The following TENM4 variants were observed in gnomAD, a reference collection of about 807,000 sequenced individuals.
TENM4 encodes teneurin-4.
TENM4 carries 82 observed loss-of-function variants against 243.3 expected under a neutral mutation model. That is an observed-to-expected ratio of 0.34 (90% CI 0.28 to 0.40). TENM4 has a LOEUF of 0.40. Among genes scored for constraint, TENM4 ranks in the 10% least tolerant of loss-of-function variants. TENM4 has a pLI of 1.00. For missense variants in TENM4, 3,138 were observed against 3,673.3 expected (o/e 0.85, Z 3.77); for synonymous variants, 1,412 against 1,456.3 (o/e 0.97, Z 0.69).
At chr11:78,793,060 TG>T (rs1857091292) in intron 15 of TENM4, among the ~76,000 whole-genome samples, 1 of 152,204 alleles carries the variant, frequency 6.6e-6, no homozygotes, top group South Asian at 2.1e-4. Context: ...TCTCATTAGA[TG>T]TTAATCCCCG....
intron 1 of TENM4, among the ~76,000 whole-genome samples, chr11:79,342,403 G>A (rs1004862119): frequency 6.6e-5 from 10 of 152,188 alleles, no homozygotes; most frequent in Non-Finnish European, 1.5e-4. Flanking sequence ...GTGGAACATG[G>A]ACTTTGTGGC....
intron 4 of TENM4, among the ~76,000 whole-genome samples, chr11:79,108,079 G>A (rs1033951245): frequency 2.6e-5 from 4 of 152,158 alleles, no homozygotes; most frequent in South Asian, 4.1e-4. Context: ...TCCAAAATTC[G>A]TATTACAAAA....
At chr11:78,992,154 G>A (rs1858062082) in intron 6 of TENM4, among the ~76,000 whole-genome samples, 1 of 152,226 alleles carries the variant, frequency 6.6e-6, no homozygotes. Context: ...AGACCTGAGA[G>A]CACCTGCTGG....
At chr11:78,776,177 T>C (rs965550475) in intron 17 of TENM4, among the ~76,000 whole-genome samples, 4 of 152,176 alleles carry the variant, frequency 2.6e-5, no homozygotes, top group Non-Finnish European at 5.9e-5. Context: ...CCTTTCACAA[T>C]AGGGCCAGAC....
intron 6 of TENM4, among the ~76,000 whole-genome samples, chr11:78,942,936 G>A (rs1230368236): frequency 6.6e-6 from 1 of 152,076 alleles, no homozygotes; most frequent in Non-Finnish European, 1.5e-5. Context: ...GCCCTTCCAC[G>A]GTACTGTGTC....
chr11:79,026,508 C>T (rs1027168681), intron 6 of TENM4, among the ~76,000 whole-genome samples: 1 of 152,208 alleles, frequency 6.6e-6, no homozygotes, highest in African/African-American at 2.4e-5. Context: ...GCAGGGAGGA[C>T]ATCTTCCAGC....
intron 2 of TENM4, among the ~76,000 whole-genome samples, chr11:79,248,073 C>T (rs1009849979): frequency 2.6e-5 from 4 of 152,146 alleles, no homozygotes; most frequent in African/African-American, 7.2e-5. Flanking sequence ...CCCAAGATGA[C>T]GTGGCTCATT....
chr11:78,776,165 C>T (rs1242431127), intron 17 of TENM4, among the ~76,000 whole-genome samples: 7 of 152,172 alleles, frequency 4.6e-5, no homozygotes, highest in Admixed American at 4.6e-4. Context: ...CCCCTCAATT[C>T]TCCTTTCACA....
intron 1 of TENM4, among the ~76,000 whole-genome samples, chr11:79,373,213 G>A (rs1376502792): frequency 6.6e-6 from 1 of 152,140 alleles, no homozygotes; most frequent in Admixed American, 6.5e-5. Flanking sequence ...TAGATGCATG[G>A]GTGGGTTGAT....
chr11:78,882,466 T>C (rs1855452116), intron 9 of TENM4, among the ~76,000 whole-genome samples: 1 of 152,212 alleles, frequency 6.6e-6, no homozygotes, highest in South Asian at 2.1e-4. Flanking sequence ...ACAGGTACCT[T>C]GTGCCAGGCT....
At chr11:79,090,988 G>A (rs1434558787) in intron 4 of TENM4, among the ~76,000 whole-genome samples, 3 of 152,150 alleles carry the variant, frequency 2.0e-5, no homozygotes, top group African/African-American at 7.2e-5. Context: ...GGCTTTTTGG[G>A]GTGGCTGATA....
chr11:79,034,006 G>C (rs904895833), intron 6 of TENM4, among the ~76,000 whole-genome samples: 2 of 152,176 alleles, frequency 1.3e-5, no homozygotes, highest in Non-Finnish European at 2.9e-5. Context: ...AGCGTGAAAA[G>C]AGCAGGGTTG....
At chr11:78,935,717 T>C (rs75906035) in intron 6 of TENM4, among the ~76,000 whole-genome samples, 2,018 of 152,314 alleles carry the variant, frequency 0.013, 17 homozygotes, top group Admixed American at 0.019. Flanking sequence ...CTGATAACAA[T>C]TATACCAAGA....
chr11:79,124,985 C>A (rs1250937499), intron 4 of TENM4, among the ~76,000 whole-genome samples: 1 of 148,638 alleles, frequency 6.7e-6, no homozygotes, highest in East Asian at 2.0e-4. Flanking sequence ...GATTTTGGGA[C>A]CAGGAGTGGT....
chr11:79,276,014 G>A (rs746382787), intron 2 of TENM4, among the ~76,000 whole-genome samples: 4 of 152,166 alleles, frequency 2.6e-5, no homozygotes, highest in African/African-American at 4.8e-5. Flanking sequence ...TCATTATGCC[G>A]CCTAAAAACG....
chr11:79,258,355 G>A (rs901049169), intron 2 of TENM4, among the ~76,000 whole-genome samples: 1 of 152,150 alleles, frequency 6.6e-6, no homozygotes. Flanking sequence ...TGGTCAGAAA[G>A]CATTACTTTC....
At chr11:78,990,307 G>C (rs574695117) in intron 6 of TENM4, among the ~76,000 whole-genome samples, 106 of 152,250 alleles carry the variant, frequency 7.0e-4, no homozygotes, top group African/African-American at 2.5e-3. Context: ...TGAGTCTCCA[G>C]TCTCTTCTGC....
Position 79,222,879 on chromosome 11 carries a change from C to T in TENM4, c.-264-6970G>A, listed in dbSNP as rs140145671. On this transcript the variant is annotated intron_variant, in intron 2 of 33. Coordinates refer to ENST00000278550, the MANE Select transcript of TENM4 (RefSeq NM_001098816.3). ...TTTTCTTGTAAATTTGTTGAAGTTC[C>T]TTGTAGGTTCTGGATATTAGGCCTT... 4.1e-3 allele frequency among the ~76,000 whole-genome samples: 617 copies of T among 152,026 alleles called. 12 individuals carry two copies. The highest frequency in any genetic ancestry group is 0.014 in the East Asian group (74 of 5,180).
chr11:79,221,654 T>G (rs1237808569), intron 2 of TENM4, among the ~76,000 whole-genome samples: 1 of 151,966 alleles, frequency 6.6e-6, no homozygotes, highest in East Asian at 1.9e-4. Flanking sequence ...CTCTCTGTCC[T>G]GAACGTCAAA....
Sources: allele counts gnomAD v4.1 joint callset (sites outside exome capture counted in the v4.1 genomes callset), GRCh38; gene constraint gnomAD v4.1.1; transcripts MANE v1.5; gene names NCBI Gene and HGNC (gene_info 2026-07-23, HGNC 2026-07-21).